Variants in KCNQ1 observed in about 807,000 individuals in gnomAD.
KCNQ1 encodes potassium voltage-gated channel subfamily Q member 1.
In KCNQ1, 49 loss-of-function variants were observed where a neutral mutation model predicts 72.4. The observed-to-expected ratio is 0.68, with a 90% CI of 0.54 to 0.86. The LOEUF (loss-of-function observed/expected upper bound fraction) is 0.86, where lower values mean the gene tolerates loss of function less well. Ranked by LOEUF, KCNQ1 falls within the 40% of genes least tolerant of loss-of-function variation. The probability of loss-of-function intolerance (pLI) is 0.00; values close to 1 mark genes in which losing one functional copy is unlikely to be tolerated. For synonymous variants in KCNQ1, 450 were observed against 412.6 expected (o/e 1.09, Z -1.10); for missense variants, 790 against 945.1 (o/e 0.84, Z 2.15).
rs527267749 is a variant in KCNQ1, at chr11:2,820,736, C to T, written c.1795-27031C>T. ...GCCCTTAAAGCCTGGGCACATGTGT[C>T]CTCTCCTTACGTCTGGGGAAATGGT... On this transcript the variant is annotated intron_variant, in intron 15 of 15. Coordinates refer to ENST00000155840, the MANE Select transcript of KCNQ1 (RefSeq NM_000218.3). Among the ~76,000 whole-genome samples, 18 of 152,322 alleles carry T rather than the reference C, an allele frequency of 1.2e-4. No individual in the cohort carries two copies. In the East Asian group the frequency reaches 2.1e-3, roughly 18 times the overall value.
chr11:2,638,185 G>A (rs1021199298), intron 10 of KCNQ1: 7 of 152,150 alleles, frequency 4.6e-5, no homozygotes, highest in African/African-American at 1.7e-4. Context: ...TACATTTAAG[G>A]TTAATATTGT....
chr11:2,472,485 G>C (rs893852432), intron 1 of KCNQ1, among the ~76,000 whole-genome samples: 1 of 152,124 alleles, frequency 6.6e-6, no homozygotes, highest in Admixed American at 6.5e-5. Flanking sequence ...GAGAGGCTGA[G>C]GCTGGTCCCT....
At position 2,570,483 on chromosome 11, in the gene KCNQ1, C is replaced by T. The variant is rs148282395; in HGVS notation, c.478-145C>T. The stretch of plus-strand genomic sequence containing the variant: ...GCCTCTGTGCGCAGGCATCACCATC[C>T]GCAGCAGGCCAGGACCCGGGCCTGC... On this transcript the variant is annotated intron_variant, in intron 2 of 15. Transcript: ENST00000155840. 137 of 1,059,644 alleles carry T rather than the reference C, an allele frequency of 1.3e-4. 1 individual carries two copies. In the East Asian group the frequency reaches 3.0e-3, roughly 23 times the overall value. The allele number at this position is 1,059,644 out of a possible 1,614,324, so 65.6% of individuals were successfully genotyped here. A position where few individuals can be genotyped will look rare whatever the true frequency, so the allele number is the denominator to read the frequency against.
rs537793817 is a variant in KCNQ1, at chr11:2,536,235, T to G, written c.477+8217T>G. On this transcript the variant is annotated intron_variant, in intron 2 of 15. Coordinates refer to ENST00000155840, the MANE Select transcript of KCNQ1 (RefSeq NM_000218.3). The surrounding 1 kb of genome is among the most constrained non-coding windows in gnomAD (Gnocchi z 7.4). ...ACGGTGTTAAGGGATTCTAGAAATT[T>G]CCTGCTGTGCCAGGCTGCAGCAGAG... Among the ~76,000 whole-genome samples the G allele has an allele frequency of 1.3e-5, 2 of 152,178 alleles. No individual in the cohort carries two copies. Among genetic ancestry groups the G allele is most frequent in the Admixed American group, 6.5e-5 (1 of 15,292 alleles).
chr11:2,542,593 C>T (rs924377119), intron 2 of KCNQ1, among the ~76,000 whole-genome samples: 4 of 152,222 alleles, frequency 2.6e-5, no homozygotes, highest in Admixed American at 6.5e-5. Flanking sequence ...GAAGGCTTCT[C>T]GCTCCCGTCG....
rs1848258889 is a variant in KCNQ1, at chr11:2,567,045, TG to T, written c.478-3577del. ...GAGGAGGCAGGGGTGCCCCAGGGAA[TG>T]GGGGGCACCTGGGGCCCACGGGAGG... On this transcript the variant is annotated intron_variant, in intron 2 of 15. Transcript: ENST00000155840. This position sits in a 1 kb window ranked among gnomAD's most constrained non-coding sequence, Gnocchi z 6.6. Among the ~76,000 whole-genome samples the T allele has an allele frequency of 5.7e-5, 7 of 123,656 alleles. No individual in the cohort carries two copies. Among genetic ancestry groups the T allele is most frequent in the Admixed American group, 4.1e-4 (5 of 12,114 alleles). 81.1% of individuals were successfully genotyped at this position (123,656 alleles called of 152,430 possible).
At chr11:2,534,717 C>T (rs888077965) in intron 2 of KCNQ1, among the ~76,000 whole-genome samples, 1 of 152,212 alleles carries the variant, frequency 6.6e-6, no homozygotes, top group African/African-American at 2.4e-5. Flanking sequence ...CACTTGGGAG[C>T]TACCCAGCTA....
In KCNQ1 at chr11:2,715,538, T is replaced by A. The variant is rs1198806340; in HGVS notation, c.1515-53306T>A. Reference sequence around the variant, plus strand: ...AGGTAGACTTCGTTTCCAGCCGGAGTGTACCTGGGGATGCCTGTGCCCAAG... The same window carrying A: ...AGGTAGACTTCGTTTCCAGCCGGAGAGTACCTGGGGATGCCTGTGCCCAAG... On this transcript the variant is annotated intron_variant, in intron 11 of 15. Coordinates refer to ENST00000155840, the MANE Select transcript of KCNQ1 (RefSeq NM_000218.3). This position sits in a 1 kb window ranked among gnomAD's most constrained non-coding sequence, Gnocchi z 4.9. Among the ~76,000 whole-genome samples, 1 of 151,748 alleles carries A rather than the reference T, an allele frequency of 6.6e-6. No individual in the cohort carries two copies.
In KCNQ1 at chr11:2,715,556, T is replaced by C. The variant is rs553176116; in HGVS notation, c.1515-53288T>C. Among the ~76,000 whole-genome samples, 1 of 152,200 alleles carries C rather than the reference T, an allele frequency of 6.6e-6. No individual in the cohort carries two copies. The highest frequency in any genetic ancestry group is 6.5e-5 in the Admixed American group (1 of 15,288). On this transcript the variant is annotated intron_variant, in intron 11 of 15. Coordinates refer to ENST00000155840, the MANE Select transcript of KCNQ1 (RefSeq NM_000218.3). This position sits in a 1 kb window ranked among gnomAD's most constrained non-coding sequence, Gnocchi z 4.9. The stretch of plus-strand genomic sequence containing the variant: ...GCCGGAGTGTACCTGGGGATGCCTG[T>C]GCCCAAGCCTTCCTCTTCCACCACC...
At chr11:2,770,374 T>C (rs570909974) in intron 12 of KCNQ1, among the ~76,000 whole-genome samples, 2 of 152,216 alleles carry the variant, frequency 1.3e-5, no homozygotes, top group Non-Finnish European at 2.9e-5. Context: ...ACCCGGGCCT[T>C]GCCCCCAGCA....
rs1848812315 is a variant in KCNQ1 at position 2,601,797 on chromosome 11, C to T, written c.1393+12943C>T. ...AGTTTCACGGTATGGACATATACCC[C>T]AGTTTATTTAACCATTCCCTCATCC... On this transcript the variant is annotated intron_variant, in intron 10 of 15. Coordinates refer to ENST00000155840, the MANE Select transcript of KCNQ1 (RefSeq NM_000218.3). This position sits in a 1 kb window ranked among gnomAD's most constrained non-coding sequence, Gnocchi z 5.2. Among the ~76,000 whole-genome samples, 1 of 152,168 alleles carries T rather than the reference C, an allele frequency of 6.6e-6. No individual in the cohort carries two copies.
At position 2,477,816 on chromosome 11, in the gene KCNQ1, G is replaced by A. The variant is rs1846594128; in HGVS notation, c.386+32332G>A. 6.6e-6 allele frequency among the ~76,000 whole-genome samples: 1 copy of A among 151,380 alleles called. No individual in the cohort carries two copies. The highest frequency in any genetic ancestry group is 1.5e-5 in the Non-Finnish European group (1 of 67,914). On this transcript the variant is annotated intron_variant, in intron 1 of 15. Coordinates refer to ENST00000155840, the MANE Select transcript of KCNQ1 (RefSeq NM_000218.3). The surrounding 1 kb of genome is among the most constrained non-coding windows in gnomAD (Gnocchi z 5.0). ...TATAATTCATGAAAAAAGAATCTATGCATCCACAGGGACACACCCATGTAT... is the reference window on the plus strand; with the variant it reads ...TATAATTCATGAAAAAAGAATCTATACATCCACAGGGACACACCCATGTAT...
At position 2,627,166 on chromosome 11, in the gene KCNQ1, T is replaced by A; in HGVS notation, c.1394-34795T>A. 2.5e-6 allele frequency: 1 copy of A among 398,568 alleles called. No individual in the cohort carries two copies. Among genetic ancestry groups the A allele is most frequent in the Non-Finnish European group, 4.4e-6 (1 of 226,042 alleles). The allele number at this position is 398,568 out of a possible 1,614,324, so 24.7% of individuals were successfully genotyped here. ...GTAAAGTTGGTTCCTAAGTTTGTTA[T>A]TCTTGATGCTTTTTTCAGCTTTTAT... On this transcript the variant is annotated intron_variant, in intron 10 of 15. Transcript: ENST00000155840. This position sits in a 1 kb window ranked among gnomAD's most constrained non-coding sequence, Gnocchi z 4.9.
chr11:2,517,402 G>A (rs1008199614), intron 1 of KCNQ1, among the ~76,000 whole-genome samples: 1 of 152,190 alleles, frequency 6.6e-6, no homozygotes, highest in South Asian at 2.1e-4. Context: ...ACCGAAGGGG[G>A]CTCAGGGCTG....
intron 1 of KCNQ1, among the ~76,000 whole-genome samples, chr11:2,470,876 T>C (rs1846441018): frequency 6.6e-6 from 1 of 152,186 alleles, no homozygotes; most frequent in Non-Finnish European, 1.5e-5. Flanking sequence ...TGTTCCCTTA[T>C]GGATTGTGTT....
intron 11 of KCNQ1, among the ~76,000 whole-genome samples, chr11:2,727,789 TACA>T (rs1312084163): frequency 1.3e-5 from 2 of 152,122 alleles, no homozygotes; most frequent in East Asian, 3.9e-4. Context: ...GGTGTCGATG[TACA>T]ACACCAAGCA....
chr11:2,548,928 C>T (rs1455120228), intron 2 of KCNQ1, among the ~76,000 whole-genome samples: 2 of 152,304 alleles, frequency 1.3e-5, no homozygotes, highest in East Asian at 3.9e-4. Context: ...GCCCTACTGT[C>T]CCCCGACTAC....
At chr11:2,556,676 G>A (rs2133701755) in intron 2 of KCNQ1, among the ~76,000 whole-genome samples, 1 of 152,320 alleles carries the variant, frequency 6.6e-6, no homozygotes, top group Admixed American at 6.5e-5. Context: ...TACCCACAGA[G>A]CCGTTGATGG....
Position 2,457,301 on chromosome 11 carries a change from T to G in KCNQ1, c.386+11817T>G, listed in dbSNP as rs1846210721. Among the ~76,000 whole-genome samples, 1 of 152,220 alleles carries G rather than the reference T, an allele frequency of 6.6e-6. No individual in the cohort carries two copies. The highest frequency in any genetic ancestry group is 6.5e-5 in the Admixed American group (1 of 15,282). Reference sequence around the variant, plus strand: ...ATCCAGCAGTCCCGTGTGCTGAGTTTATACCCAAAGAAAAATTAGTCGTTC... The same window carrying G: ...ATCCAGCAGTCCCGTGTGCTGAGTTGATACCCAAAGAAAAATTAGTCGTTC... On this transcript the variant is annotated intron_variant, in intron 1 of 15. Transcript: ENST00000155840. This position sits in a 1 kb window ranked among gnomAD's most constrained non-coding sequence, Gnocchi z 5.0.
Sources: gnomAD v4.1 joint callset for allele counts (sites outside exome capture counted in the v4.1 genomes callset) on GRCh38, gnomAD v4.1.1 for gene constraint, Gnocchi (gnomAD v3.1) non-coding constraint, MANE v1.5 for transcripts, NCBI Gene and HGNC (gene_info 2026-07-23, HGNC 2026-07-21) for gene names.